Variants in ANO3 observed in about 807,000 individuals in gnomAD.
The protein encoded by ANO3 is anoctamin 3, also known as anoctamin-3.
A neutral mutation model predicts 144.8 loss-of-function variants in ANO3; 99 were observed. The observed-to-expected ratio is 0.68, with a 90% CI of 0.58 to 0.81. The LOEUF is 0.81. Among genes scored for constraint, ANO3 ranks in the 30% least tolerant of loss-of-function variants. ANO3 has a pLI of 0.00. For missense variants in ANO3, 905 were observed against 1,202.2 expected (o/e 0.75, Z 3.66); for synonymous variants, 414 against 392.6 (o/e 1.05, Z -0.64).
chr11:26,325,433 CA>C (rs1426353231), intron 1 of ANO3, among the ~76,000 whole-genome samples: 1 of 151,728 alleles, frequency 6.6e-6, no homozygotes, highest in African/African-American at 2.4e-5. Flanking sequence ...GAATATTTTC[CA>C]AGGCAACATT....
At chr11:26,559,662 C>A in intron 13 of ANO3, 57 bp from the exon 14 acceptor site, 1 of 1,253,860 alleles carries the variant, frequency 8.0e-7, no homozygotes. Flanking sequence ...AAACAGTATT[C>A]ACTGGCTTAT....
At chr11:26,453,446 C>T (rs1484909795) in intron 3 of ANO3, among the ~76,000 whole-genome samples, 1 of 152,100 alleles carries the variant, frequency 6.6e-6, no homozygotes, top group East Asian at 1.9e-4. Context: ...TCTGATAAAA[C>T]AGGCTTTAAA....
intron 1 of ANO3, among the ~76,000 whole-genome samples, chr11:26,376,885 G>C (rs1856426960): frequency 6.6e-6 from 1 of 152,092 alleles, no homozygotes; most frequent in Admixed American, 6.6e-5. Flanking sequence ...GTCCTTATAG[G>C]AGCCATGCAA....
In ANO3 at chr11:26,339,322, T is replaced by G. The variant is rs1179745857; in HGVS notation, c.46+7001T>G. 2.6e-5 allele frequency among the ~76,000 whole-genome samples: 4 copies of G among 152,032 alleles called. No individual in the cohort carries two copies. In the South Asian group the frequency reaches 6.2e-4, roughly 24 times the overall value. On this transcript the variant is annotated intron_variant, in intron 1 of 26. Transcript: ENST00000256737. Reference sequence around the variant, plus strand: ...GGCCCCCGCCACCATGCCCGCATAATTTTTGTATTTTTAGTAGAGATGGGA... The same window carrying G: ...GGCCCCCGCCACCATGCCCGCATAAGTTTTGTATTTTTAGTAGAGATGGGA...
chr11:26,305,641 T>G (rs1854363588), upstream of ANO3, among the ~76,000 whole-genome samples: 2 of 152,238 alleles, frequency 1.3e-5, no homozygotes, highest in African/African-American at 4.8e-5. Context: ...TTTCTAAAGA[T>G]GAACTAATCT....
intron 14 of ANO3, among the ~76,000 whole-genome samples, chr11:26,588,841 A>G (rs534207261): frequency 1.3e-5 from 2 of 152,232 alleles, no homozygotes; most frequent in South Asian, 4.1e-4. Context: ...TACTTCCTCT[A>G]TATTCCACTT....
intron 14 of ANO3, among the ~76,000 whole-genome samples, chr11:26,590,874 G>A (rs1417532774): frequency 2.0e-5 from 3 of 152,148 alleles, no homozygotes; most frequent in Non-Finnish European, 2.9e-5. Flanking sequence ...GACCAGAAGA[G>A]TGTGCAGCTG....
intron 4 of ANO3, among the ~76,000 whole-genome samples, chr11:26,463,951 A>T (rs1859507753): frequency 6.6e-6 from 1 of 151,812 alleles, no homozygotes; most frequent in Non-Finnish European, 1.5e-5. Context: ...TTTGTAAAAA[A>T]GATAGTTGGA....
intron 13 of ANO3, among the ~76,000 whole-genome samples, chr11:26,557,928 C>G (rs757673250): frequency 5.9e-5 from 9 of 152,280 alleles, no homozygotes; most frequent in Non-Finnish European, 1.0e-4. Flanking sequence ...GTAAATCTAA[C>G]ACATGATTAA....
At chr11:26,619,119 T>C (rs1384385250) in intron 17 of ANO3, among the ~76,000 whole-genome samples, 1 of 152,210 alleles carries the variant, frequency 6.6e-6, no homozygotes, top group Non-Finnish European at 1.5e-5. Flanking sequence ...TTTAAATAAA[T>C]TTGAAATATT....
chr11:26,443,960 G>T, intron 3 of ANO3, 124 bp downstream of exon 3: 1 of 555,998 alleles, frequency 1.8e-6, no homozygotes, highest in Non-Finnish European at 3.1e-6. Flanking sequence ...AACGTAATAG[G>T]TGAGTATAAT....
rs561887636 is a variant in ANO3, at chr11:26,507,674, G to A, written c.433-430G>A. Among the ~76,000 whole-genome samples the A allele has an allele frequency of 2.0e-5, 3 of 152,242 alleles. 1 individual carries two copies. The Middle Eastern group carries it at 0.01, about 518-fold the overall frequency. Reference sequence around the variant, plus strand: ...TCTTTATCTTTGAAATGCATGTAATGAGTAGTATATAGGATAAAATATTGA... The same window carrying A: ...TCTTTATCTTTGAAATGCATGTAATAAGTAGTATATAGGATAAAATATTGA... On this transcript the variant is annotated intron_variant, in intron 4 of 26. Coordinates refer to ENST00000256737, the MANE Select transcript of ANO3 (RefSeq NM_031418.4).
At chr11:26,552,638 A>T (rs370647) in intron 12 of ANO3, among the ~76,000 whole-genome samples, 100,182 of 152,004 alleles carry the variant, frequency 0.66, 33,318 homozygotes, top group East Asian at 0.83. Flanking sequence ...GTGGACATAA[A>T]ACTGAAGAGA....
At chr11:26,610,329 A>C (rs1322956215) in intron 17 of ANO3, among the ~76,000 whole-genome samples, 1 of 110,234 alleles carries the variant, frequency 9.1e-6, no homozygotes, top group Non-Finnish European at 2.1e-5. Flanking sequence ...TTTTTTTTAC[A>C]TACCTGTTGA....
chr11:26,597,448 G>A (rs1253961936), intron 14 of ANO3, among the ~76,000 whole-genome samples: 3 of 152,160 alleles, frequency 2.0e-5, no homozygotes, highest in African/African-American at 2.4e-5. Context: ...GATCCAGAGC[G>A]GCAATGGGCG....
intron 14 of ANO3, chr11:26,560,692 C>A (rs565938351): frequency 1.6e-4 from 27 of 163,938 alleles, no homozygotes; most frequent in Non-Finnish European, 3.3e-4. Flanking sequence ...TCAGGCAGAG[C>A]AGTAAAGAGT....
At chr11:26,484,381 G>T (rs1189619814) in intron 4 of ANO3, among the ~76,000 whole-genome samples, 1 of 152,152 alleles carries the variant, frequency 6.6e-6, no homozygotes, top group African/African-American at 2.4e-5. Flanking sequence ...GTGGCTAAAA[G>T]GCCCCATATA....
rs71047867 is a variant in ANO3, at chr11:26,563,395, CTGTG to C, written c.1447+3650_1447+3653del. On this transcript the variant is annotated intron_variant, in intron 14 of 26. Coordinates refer to ENST00000256737, the MANE Select transcript of ANO3 (RefSeq NM_031418.4). ...ATTAGATAATGGTGTGTTTCTCTCT[CTGTG>C]TGTGTGTGTGTGTGTGTGTGTGTGT... 2,842 of 538,600 alleles carry C rather than the reference CTGTG, an allele frequency of 5.3e-3. 2 individuals are homozygous for C. Among genetic ancestry groups the C allele is most frequent in the South Asian group, 0.011 (289 of 26,188 alleles). 33.4% of individuals were successfully genotyped at this position (538,600 alleles called of 1,614,324 possible).
intron 18 of ANO3, among the ~76,000 whole-genome samples, chr11:26,630,349 A>G (rs1852736111): frequency 6.6e-6 from 1 of 152,242 alleles, no homozygotes; most frequent in South Asian, 2.1e-4. Context: ...GGAGTACTTT[A>G]CATCTTCAGT....
Sources: allele counts gnomAD v4.1 joint callset (sites outside exome capture counted in the v4.1 genomes callset), GRCh38; gene constraint gnomAD v4.1.1; transcripts MANE v1.5; gene names NCBI Gene and HGNC (gene_info 2026-07-23, HGNC 2026-07-21).